The following RFTN1 variants were observed in gnomAD, a reference collection of about 807,000 sequenced individuals.
The protein encoded by RFTN1 is raftlin.
A neutral mutation model predicts 46.5 loss-of-function variants in RFTN1; 26 were observed. The observed-to-expected ratio is 0.56, with a 90% CI of 0.41 to 0.78. RFTN1 has a LOEUF of 0.78. RFTN1 is among the 30% of genes least tolerant of loss of function. The probability of loss-of-function intolerance (pLI) is 0.00; values close to 1 mark genes in which losing one functional copy is unlikely to be tolerated. For missense variants in RFTN1, 693 were observed against 718.7 expected (o/e 0.96, Z 0.41); for synonymous variants, 261 against 284.2 (o/e 0.92, Z 0.82).
chr3:16,360,559 C>T (rs1430180916), intron 6 of RFTN1, among the ~76,000 whole-genome samples: 1 of 152,168 alleles, frequency 6.6e-6, no homozygotes, highest in Non-Finnish European at 1.5e-5. Flanking sequence ...TTTAACTGTA[C>T]AATCTTTATA....
chr3:16,319,779 A>T (rs1187854683), intron 9 of RFTN1, among the ~76,000 whole-genome samples: 1 of 152,240 alleles, frequency 6.6e-6, no homozygotes. Flanking sequence ...CAAAAAGGAG[A>T]CGTCTCAGAA....
At position 16,507,596 on chromosome 3, in the gene RFTN1, C is replaced by T. The variant is rs2076826880; in HGVS notation, c.-9+5846G>A. The stretch of plus-strand genomic sequence containing the variant: ...GGGTAAAAGGCAAAGTAGGGAGTTT[C>T]AAAACACACACACACACACACACAC... On this transcript the variant is annotated intron_variant, in intron 1 of 9. Transcript: ENST00000334133. This position sits in a 1 kb window ranked among gnomAD's most constrained non-coding sequence, Gnocchi z 7.1. 8.3e-5 allele frequency among the ~76,000 whole-genome samples: 9 copies of T among 108,244 alleles called. No homozygotes were observed. In the South Asian group the frequency reaches 2.8e-3, roughly 34 times the overall value. The allele number at this position is 108,244 out of a possible 152,430, so 71.0% of individuals were successfully genotyped here. A position where few individuals can be genotyped will look rare whatever the true frequency, so the allele number is the denominator to read the frequency against.
rs2076823406 is a variant in RFTN1, at chr3:16,507,310, C to G, written c.-9+6132G>C. On this transcript the variant is annotated intron_variant, in intron 1 of 9. Coordinates refer to ENST00000334133, the MANE Select transcript of RFTN1 (RefSeq NM_015150.2). The surrounding 1 kb of genome is among the most constrained non-coding windows in gnomAD (Gnocchi z 7.1). ...TGATTATGCCACACTGAAAAGGGCA[C>G]TTATAAGGTATCATAAGACACCAGA... Among the ~76,000 whole-genome samples the G allele has an allele frequency of 6.6e-6, 1 of 152,130 alleles. No individual in the cohort carries two copies. Among genetic ancestry groups the G allele is most frequent in the South Asian group, 2.1e-4 (1 of 4,824 alleles).
intron 5 of RFTN1, among the ~76,000 whole-genome samples, chr3:16,373,503 T>C (rs2073611126): frequency 1.3e-5 from 2 of 152,182 alleles, no homozygotes. Flanking sequence ...TGTCCAGCCC[T>C]GAGGTCTGTA....
rs1368764732 is a variant in RFTN1 at position 16,509,026 on chromosome 3, C to A, written c.-9+4416G>T. ...ATTCATTACATTTAAATGTAAATAG[C>A]CACATGTAACTAGTGGCTACTGTAT... On this transcript the variant is annotated intron_variant, in intron 1 of 9. Coordinates refer to ENST00000334133, the MANE Select transcript of RFTN1 (RefSeq NM_015150.2). The surrounding 1 kb of genome is among the most constrained non-coding windows in gnomAD (Gnocchi z 4.9). Among the ~76,000 whole-genome samples, 1 of 152,138 alleles carries A rather than the reference C, an allele frequency of 6.6e-6. No individual in the cohort carries two copies. Among genetic ancestry groups the A allele is most frequent in the African/African-American group, 2.4e-5 (1 of 41,428 alleles).
chr3:16,495,394 G>T (rs978883397), intron 1 of RFTN1, among the ~76,000 whole-genome samples: 1 of 152,240 alleles, frequency 6.6e-6, no homozygotes, highest in South Asian at 2.1e-4. Context: ...GAGCCCAAAG[G>T]CTCGCCAAGT....
chr3:16,406,917 A>G (rs923109073), intron 4 of RFTN1, among the ~76,000 whole-genome samples: 1 of 152,226 alleles, frequency 6.6e-6, no homozygotes, highest in Non-Finnish European at 1.5e-5. Flanking sequence ...GCATACACAC[A>G]TCTATAATCA....
rs2076913000 is a variant in RFTN1 at position 16,512,231 on chromosome 3, A to C, written c.-9+1211T>G. 1.3e-5 allele frequency among the ~76,000 whole-genome samples: 2 copies of C among 152,122 alleles called. No homozygotes were observed. On this transcript the variant is annotated intron_variant, in intron 1 of 9. Transcript: ENST00000334133. This position sits in a 1 kb window ranked among gnomAD's most constrained non-coding sequence, Gnocchi z 4.3. ...CTACCCACAGGCCCAGAGGTCGCTC[A>C]CATTACACCCGGCTTCCTTCCTGGC...
rs1177496192 is a variant in RFTN1, at chr3:16,450,543, C to G, written c.146-16506G>C. On this transcript the variant is annotated intron_variant, in intron 2 of 9. Transcript: ENST00000334133. This position sits in a 1 kb window ranked among gnomAD's most constrained non-coding sequence, Gnocchi z 4.6. ...AACATGTCTCCCATGTCTATGCTCC[C>G]TCAGGTGGCTTCCACAGGCAAATTA... is the stretch of plus-strand genomic sequence containing the variant. 3.9e-5 allele frequency among the ~76,000 whole-genome samples: 6 copies of G among 152,206 alleles called. No individual in the cohort carries two copies. Among genetic ancestry groups the G allele is most frequent in the African/African-American group, 1.2e-4 (5 of 41,456 alleles).
intron 6 of RFTN1, among the ~76,000 whole-genome samples, chr3:16,366,957 C>T (rs1284881994): frequency 3.3e-5 from 5 of 152,180 alleles, no homozygotes; most frequent in African/African-American, 4.8e-5. Flanking sequence ...GAGCAGGAGC[C>T]CAAACTTGAG....
Position 16,342,473 on chromosome 3 carries a change from A to G in RFTN1, c.1146+15459T>C, listed in dbSNP as rs911508672. On this transcript the variant is annotated intron_variant, in intron 7 of 9. Coordinates refer to ENST00000334133, the MANE Select transcript of RFTN1 (RefSeq NM_015150.2). The surrounding 1 kb of genome is among the most constrained non-coding windows in gnomAD (Gnocchi z 4.0). Reference sequence around the variant, plus strand: ...TTGTTTCTACTTTTTGGACATTACAAATAAAGCTGCCATCAACATTAATGT... The same window carrying G: ...TTGTTTCTACTTTTTGGACATTACAGATAAAGCTGCCATCAACATTAATGT... Among the ~76,000 whole-genome samples the G allele has an allele frequency of 3.3e-5, 5 of 152,232 alleles. No homozygotes were observed. The highest frequency in any genetic ancestry group is 1.2e-4 in the African/African-American group (5 of 41,458).
rs547553364 is a variant in RFTN1, at chr3:16,473,060, C to A, written c.145+20665G>T. 6.6e-6 allele frequency among the ~76,000 whole-genome samples: 1 copy of A among 152,202 alleles called. No homozygotes were observed. The highest frequency in any genetic ancestry group is 2.4e-5 in the African/African-American group (1 of 41,458). ...ATCTGTTGGCTATAAATGAACTCAT[C>A]GATAACACTCATTTCCCATTTAGAT... On this transcript the variant is annotated intron_variant, in intron 2 of 9. Transcript: ENST00000334133. This position sits in a 1 kb window ranked among gnomAD's most constrained non-coding sequence, Gnocchi z 5.3.
rs1210659880 is a variant in RFTN1 at position 16,335,681 on chromosome 3, T to C, written c.1147-8805A>G. Among the ~76,000 whole-genome samples, 1 of 151,074 alleles carries C rather than the reference T, an allele frequency of 6.6e-6. No homozygotes were observed. The highest frequency in any genetic ancestry group is 2.4e-5 in the African/African-American group (1 of 41,010). ...AATAGCTAATGGATGCTGGGCTTCA[T>C]ACCTAGGTGATAGCCTGATCTGAGC... On this transcript the variant is annotated intron_variant, in intron 7 of 9. Transcript: ENST00000334133. This position sits in a 1 kb window ranked among gnomAD's most constrained non-coding sequence, Gnocchi z 4.7.
rs377763849 is a variant in RFTN1, at chr3:16,434,042, A to G, written c.146-5T>C. ...CTGAGGACCCAGGGAGCTCCGCTGG[A>G]GTGGAGAGAGGAGAGGCTCATCAAA... On this transcript the variant is annotated splice_region_variant and splice_polypyrimidine_tract_variant and intron_variant, in intron 2 of 9. Coordinates refer to ENST00000334133, the MANE Select transcript of RFTN1 (RefSeq NM_015150.2). 6.8e-5 allele frequency: 107 copies of G among 1,582,030 alleles called. No homozygotes were observed. In the African/African-American group the frequency reaches 1.2e-3, roughly 18 times the overall value.
rs11328874 is a variant in RFTN1, at chr3:16,468,631, TAAAAAAAAA to T, written c.145+25085_145+25093del. The stretch of plus-strand genomic sequence containing the variant: ...CCTCACGTACAACCCAGCGTTTGAG[TAAAAAAAAA>T]AAAAAAAAAAACTTTACTCAGAAAA... On this transcript the variant is annotated intron_variant, in intron 2 of 9. Transcript: ENST00000334133. The surrounding 1 kb of genome is among the most constrained non-coding windows in gnomAD (Gnocchi z 4.4). 1.0e-5 allele frequency among the ~76,000 whole-genome samples: 1 copy of T among 100,166 alleles called. No individual in the cohort carries two copies. Among genetic ancestry groups the T allele is most frequent in the Non-Finnish European group, 2.2e-5 (1 of 45,384 alleles). The allele number at this position is 100,166 out of a possible 152,430, so 65.7% of individuals were successfully genotyped here.
chr3:16,325,454 C>T (rs2069597721), intron 8 of RFTN1, among the ~76,000 whole-genome samples: 1 of 152,150 alleles, frequency 6.6e-6, no homozygotes, highest in African/African-American at 2.4e-5. Context: ...ACCAGCTGGG[C>T]CTTCACATTC....
At chr3:16,347,589 C>T (rs912455592) in intron 7 of RFTN1, 21 of 152,196 alleles carry the variant, frequency 1.4e-4, no homozygotes, top group African/African-American at 4.6e-4. Flanking sequence ...CCCTCTGCCT[C>T]TCTGTTACAC....
rs1192003315 is a variant in RFTN1, at chr3:16,346,832, C to T, written c.1146+11100G>A. 2.0e-5 allele frequency among the ~76,000 whole-genome samples: 3 copies of T among 152,102 alleles called. No homozygotes were observed. Among genetic ancestry groups the T allele is most frequent in the Non-Finnish European group, 4.4e-5 (3 of 68,016 alleles). On this transcript the variant is annotated intron_variant, in intron 7 of 9. Transcript: ENST00000334133. This position sits in a 1 kb window ranked among gnomAD's most constrained non-coding sequence, Gnocchi z 4.4. ...TTGTGAGGAGGATCATAAGGAGAGCCCTGCAGACAGGCTGAGGATGAGTAC... is the reference window on the plus strand; with the variant it reads ...TTGTGAGGAGGATCATAAGGAGAGCTCTGCAGACAGGCTGAGGATGAGTAC...
intron 7 of RFTN1, among the ~76,000 whole-genome samples, chr3:16,354,728 A>G (rs570193785): frequency 9.2e-5 from 14 of 152,270 alleles, no homozygotes; most frequent in Non-Finnish European, 1.5e-4. Flanking sequence ...GAATTTTCAC[A>G]ATCTTTAAGC....
Sources: gnomAD v4.1 joint callset for allele counts (sites outside exome capture counted in the v4.1 genomes callset) on GRCh38, gnomAD v4.1.1 for gene constraint, Gnocchi (gnomAD v3.1) non-coding constraint, MANE v1.5 for transcripts, NCBI Gene and HGNC (gene_info 2026-07-23, HGNC 2026-07-21) for gene names.